ADGRL3: variants seen among roughly 807,000 people sequenced by gnomAD.
ADGRL3 encodes calcium-independent alpha-latrotoxin receptor 3.
ADGRL3 carries 62 observed loss-of-function variants against 153.5 expected under a neutral mutation model. The ratio of observed to expected loss-of-function variants is 0.40; its 90% CI spans 0.33 to 0.50. The LOEUF (loss-of-function observed/expected upper bound fraction) is 0.50, where lower values mean the gene tolerates loss of function less well. Among genes scored for constraint, ADGRL3 ranks in the 20% least tolerant of loss-of-function variants. The pLI is 0.47. For synonymous variants in ADGRL3, 710 were observed against 672.5 expected, an observed-to-expected ratio of 1.06 and a Z score of -0.86; for missense variants, 1,641 against 1,859.4, an observed-to-expected ratio of 0.88 and a Z score of 2.16.
chr4:61,847,794 A>T, intron 9 of ADGRL3, among the ~76,000 whole-genome samples: 1 of 25,250 alleles, frequency 4.0e-5, no homozygotes, highest in African/African-American at 1.1e-4. Context: ...TATATTATAT[A>T]TATAATATAA....
Position 61,419,267 on chromosome 4 carries a change from C to T in ADGRL3, c.-174+36078C>T, listed in dbSNP as rs946981983. Among the ~76,000 whole-genome samples, 4 of 150,780 alleles carry T rather than the reference C, an allele frequency of 2.7e-5. 1 individual carries two copies. The highest frequency in any genetic ancestry group is 9.8e-5 in the African/African-American group (4 of 40,626). ...GGTATATTTCTGATCACAAAAACAT[C>T]ACCAATTTCTAAATAAAGACCAAAA... is the stretch of plus-strand genomic sequence containing the variant. On this transcript the variant is annotated intron_variant, in intron 2 of 26. Coordinates refer to ENST00000683033, the MANE Select transcript of ADGRL3 (RefSeq NM_001387552.1).
chr4:61,726,210 G>GTTTTTTTTTTTTTTTTGTTTGTT (rs149472429), intron 6 of ADGRL3, among the ~76,000 whole-genome samples: 2 of 118,480 alleles, frequency 1.7e-5, no homozygotes, highest in African/African-American at 3.2e-5. Context: ...TTTTTTTTTT[G>GTTTTTTTTTTTTTTTTGTTTGTT]TTTTTTGAGA....
intron 4 of ADGRL3, among the ~76,000 whole-genome samples, chr4:61,560,324 T>A (rs1394271865): frequency 6.6e-6 from 1 of 152,134 alleles, no homozygotes; most frequent in African/African-American, 2.4e-5. Context: ...TAAGGTATCT[T>A]TTATGCACCT....
At chr4:62,006,003 C>CACACACACACACACACAT (rs1230956055) in intron 21 of ADGRL3, among the ~76,000 whole-genome samples, 1 of 49,020 alleles carries the variant, frequency 2.0e-5, no homozygotes, top group Non-Finnish European at 3.8e-5. Flanking sequence ...CACACACACA[C>CACACACACACACACACAT]ATATATATAT....
intron 2 of ADGRL3, among the ~76,000 whole-genome samples, chr4:61,452,797 T>C (rs2097690987): frequency 6.6e-6 from 1 of 152,092 alleles, no homozygotes; most frequent in African/African-American, 2.4e-5. Flanking sequence ...AATAGCCAAG[T>C]GAGATGAGCC....
At chr4:61,766,552 G>C (rs540700154) in intron 8 of ADGRL3, among the ~76,000 whole-genome samples, 2 of 148,330 alleles carry the variant, frequency 1.3e-5, no homozygotes, top group South Asian at 2.2e-4. Context: ...GAGATCAGTC[G>C]GACACGATTG....
At chr4:61,397,212 G>A (rs1409470404) in intron 2 of ADGRL3, among the ~76,000 whole-genome samples, 2 of 151,418 alleles carry the variant, frequency 1.3e-5, no homozygotes, top group African/African-American at 2.4e-5. Context: ...GATTAACATT[G>A]CCTCTTTTTC....
intron 2 of ADGRL3, among the ~76,000 whole-genome samples, chr4:61,476,120 G>A (rs373073109): frequency 1.1e-4 from 17 of 152,122 alleles, no homozygotes; most frequent in South Asian, 8.3e-4. Flanking sequence ...GTCTTCTGGC[G>A]GATGCCTTTC....
At chr4:61,469,876 T>C (rs1349845069) in intron 2 of ADGRL3, among the ~76,000 whole-genome samples, 6 of 151,962 alleles carry the variant, frequency 3.9e-5, no homozygotes, top group Admixed American at 3.9e-4. Context: ...GAAGACAATA[T>C]GTTTATGTCA....
chr4:61,293,707 C>T (rs1392844660), intron 1 of ADGRL3, among the ~76,000 whole-genome samples: 1 of 152,066 alleles, frequency 6.6e-6, no homozygotes, highest in African/African-American at 2.4e-5. Flanking sequence ...TATTTGTAAA[C>T]TCACTTTTTA....
At chr4:61,868,589 A>C (rs2149353782) in intron 9 of ADGRL3, among the ~76,000 whole-genome samples, 1 of 152,140 alleles carries the variant, frequency 6.6e-6, no homozygotes, top group South Asian at 2.1e-4. Flanking sequence ...CTTGCCTTTA[A>C]CTTTACTGTT....
chr4:61,664,504 T>C (rs1054911901), intron 5 of ADGRL3, among the ~76,000 whole-genome samples: 1 of 152,196 alleles, frequency 6.6e-6, no homozygotes, highest in Non-Finnish European at 1.5e-5. Context: ...CCTTTATACA[T>C]GCATACAGCT....
chr4:61,582,185 A>G (rs1351421170), intron 4 of ADGRL3, among the ~76,000 whole-genome samples: 2 of 152,002 alleles, frequency 1.3e-5, no homozygotes, highest in Non-Finnish European at 2.9e-5. Flanking sequence ...TTTTCTTTTA[A>G]TTTAATTTTA....
rs1725930444 is a variant in ADGRL3 at position 62,037,825 on chromosome 4, G to A, written c.3686G>A (p.Arg1229Gln). ...GGTTCAGGGAAAACATCTGGTTCTCGAACTCCTGGACGCTACTCCACAGGC... is the reference window on the plus strand; with the variant it reads ...GGTTCAGGGAAAACATCTGGTTCTCAAACTCCTGGACGCTACTCCACAGGC... ...SIGSGKTSGS[R>Q]TPGRYSTGSQ... The change falls in exon 24 of 27, where the codon CGA (arginine) becomes CAA (glutamine). Residue 1229 changes from arginine (R) to glutamine (Q), a missense_variant. Physicochemically the swap from Arg to Gln is conservative, Grantham distance 43. Transcript: ENST00000683033. 2.5e-6 allele frequency: 4 copies of A among 1,613,526 alleles called. No individual in the cohort carries two copies. The highest frequency in any genetic ancestry group is 1.3e-5 in the African/African-American group (1 of 74,868).
At position 61,893,049 on chromosome 4, in the gene ADGRL3, C is replaced by T. The variant is rs577591535; in HGVS notation, c.1783+91C>T. ...TTTTCCTTTTCCTTCCTCCTTTCCT[C>T]CCTCCCTCCCTTCCTCCCTCCCTCC... On this transcript the variant is annotated intron_variant, in intron 10 of 26. Transcript: ENST00000683033. The T allele has an allele frequency of 6.7e-5, 44 of 653,912 alleles. No individual in the cohort carries two copies. In the South Asian group the frequency reaches 1.8e-3, roughly 27 times the overall value. The allele number at this position is 653,912 out of a possible 1,614,324, so 40.5% of individuals were successfully genotyped here.
intron 6 of ADGRL3, among the ~76,000 whole-genome samples, chr4:61,715,056 T>C (rs2096078604): frequency 6.6e-6 from 1 of 152,236 alleles, no homozygotes. Flanking sequence ...GAGATCTGAT[T>C]TGGTAGAATG....
Position 61,250,757 on chromosome 4 carries a change from C to T in ADGRL3, c.-240+48992C>T, listed in dbSNP as rs142822419. Reference sequence around the variant, plus strand: ...ACAGCTGAGAAGTTACAAATAACTCCAGGTAAATACTGGTTCTGATATTTG... The same window carrying T: ...ACAGCTGAGAAGTTACAAATAACTCTAGGTAAATACTGGTTCTGATATTTG... On this transcript the variant is annotated intron_variant, in intron 1 of 26. Transcript: ENST00000683033. Among the ~76,000 whole-genome samples the T allele has an allele frequency of 4.8e-3, 736 of 152,232 alleles. 5 individuals are homozygous for T. The highest frequency in any genetic ancestry group is 7.8e-3 in the Non-Finnish European group (533 of 68,026).
intron 11 of ADGRL3, among the ~76,000 whole-genome samples, chr4:61,901,828 C>T (rs2098666270): frequency 6.6e-6 from 1 of 152,022 alleles, no homozygotes; most frequent in Non-Finnish European, 1.5e-5. Context: ...GATTCAAGTC[C>T]TAGATATAAT....
At chr4:61,605,153 C>CA (rs2099027616) in intron 5 of ADGRL3, among the ~76,000 whole-genome samples, 1 of 126,312 alleles carries the variant, frequency 7.9e-6, no homozygotes, top group Non-Finnish European at 1.7e-5. Flanking sequence ...ATTATGATCA[C>CA]AAAATCTACA....
Sources: allele counts gnomAD v4.1 joint callset (sites outside exome capture counted in the v4.1 genomes callset), GRCh38; gene constraint gnomAD v4.1.1; transcripts MANE v1.5; gene names NCBI Gene and HGNC (gene_info 2026-07-23, HGNC 2026-07-21).